Variants in INO80 observed in about 807,000 individuals in gnomAD.
INO80 encodes INO80 complex ATPase subunit.
Under a neutral mutation model 203.4 loss-of-function variants are expected in INO80, and 20 were observed. The ratio of observed to expected loss-of-function variants is 0.10; its 90% CI spans 0.07 to 0.14. The LOEUF is 0.14. INO80 is among the 10% of genes least tolerant of loss of function. The pLI is 1.00. For missense variants in INO80, 1,419 were observed against 1,914.4 expected (o/e 0.74, Z 4.83); for synonymous variants, 726 against 685.2 (o/e 1.06, Z -0.93).
rs2140605179 is a variant in INO80 at position 41,074,366 on chromosome 15, T to C, written c.1327+4A>G. 6.3e-7 allele frequency: 1 copy of C among 1,595,614 alleles called. No individual in the cohort carries two copies. The highest frequency in any genetic ancestry group is 2.3e-5 in the East Asian group (1 of 44,426). ...CTTCCTCTAAGTCCTGACTGAGGACTCACCATAATCCTCCTGTGTGATGTT... is the reference window on the plus strand; with the variant it reads ...CTTCCTCTAAGTCCTGACTGAGGACCCACCATAATCCTCCTGTGTGATGTT... On this transcript the variant is annotated splice_donor_region_variant and intron_variant, in intron 10 of 35. Coordinates refer to ENST00000648947, the MANE Select transcript of INO80 (RefSeq NM_017553.3).
intron 28 of INO80, among the ~76,000 whole-genome samples, chr15:41,002,591 T>G (rs1169681445): frequency 1.3e-5 from 2 of 152,224 alleles, no homozygotes; most frequent in African/African-American, 4.8e-5. Flanking sequence ...TTGGGGTCTA[T>G]ATTAGCAGAA....
chr15:41,000,221 G>T (rs577316724), intron 28 of INO80, among the ~76,000 whole-genome samples: 1 of 152,156 alleles, frequency 6.6e-6, no homozygotes, highest in African/African-American at 2.4e-5. Flanking sequence ...TGATACCTGC[G>T]TGAGAGTTGA....
intron 27 of INO80, among the ~76,000 whole-genome samples, chr15:41,014,650 C>T (rs894795756): frequency 6.6e-6 from 1 of 152,168 alleles, no homozygotes; most frequent in African/African-American, 2.4e-5. Context: ...CTGTCAACAG[C>T]ATTCAAGGGG....
intron 24 of INO80, among the ~76,000 whole-genome samples, chr15:41,030,125 A>C (rs2044436998): frequency 6.6e-6 from 1 of 152,242 alleles, no homozygotes; most frequent in African/African-American, 2.4e-5. Context: ...TAAAATTCAA[A>C]ATTCAACAGA....
intron 14 of INO80, among the ~76,000 whole-genome samples, chr15:41,061,098 G>C (rs2140561401): frequency 6.6e-6 from 1 of 152,120 alleles, no homozygotes; most frequent in South Asian, 2.1e-4. Flanking sequence ...CCTGAGCATG[G>C]GAGTTTCAGA....
At chr15:41,077,879 AAC>A (rs1596313394) in intron 9 of INO80, among the ~76,000 whole-genome samples, 1 of 151,896 alleles carries the variant, frequency 6.6e-6, no homozygotes, top group Non-Finnish European at 1.5e-5. Flanking sequence ...TCTAAAGTAA[AAC>A]AATTAAGAAA....
intron 35 of INO80, among the ~76,000 whole-genome samples, chr15:40,981,257 C>T (rs1286654644): frequency 6.6e-6 from 1 of 152,134 alleles, no homozygotes; most frequent in Non-Finnish European, 1.5e-5. Flanking sequence ...GTTGGTTTTT[C>T]TTGTGCTGCT....
At chr15:41,064,854 G>A (rs1181537227) in intron 14 of INO80, among the ~76,000 whole-genome samples, 2 of 152,012 alleles carry the variant, frequency 1.3e-5, no homozygotes, top group African/African-American at 4.8e-5. Flanking sequence ...GAAATTCACT[G>A]GGCATGGTGG....
chr15:41,001,355 C>T (rs751390245), intron 28 of INO80, among the ~76,000 whole-genome samples: 2 of 101,994 alleles, frequency 2.0e-5, no homozygotes, highest in Non-Finnish European at 4.4e-5. Context: ...TCTTTAATAA[C>T]CCACTGAGGT....
At chr15:40,995,493 T>A (rs534100907) in intron 29 of INO80, among the ~76,000 whole-genome samples, 105 of 152,328 alleles carry the variant, frequency 6.9e-4, no homozygotes, top group Non-Finnish European at 1.4e-3. Flanking sequence ...AGGACACAAA[T>A]GAAGAGCCTT....
chr15:40,984,304 T>C lies in INO80; in HGVS notation c.3970A>G (p.Asn1324Asp). 6.2e-7 allele frequency: 1 copy of C among 1,614,176 alleles called. No individual in the cohort carries two copies. The highest frequency in any genetic ancestry group is 8.5e-7 in the Non-Finnish European group (1 of 1,179,998). ...LDGKRRKEGV[N>D]LVIPFVPSAD... ...GAGGGAACAAATGGGATCACCAGGT[T>C]CACACCCTCTTTTCTCCTTTTCCCA... The change falls in exon 33 of 36, where the codon AAC becomes GAC. Residue 1324 changes from asparagine (N) to aspartate (D), a missense_variant. By Grantham distance (23) the Asn-to-Asp change is conservative. Around this residue, in one of 9 missense-constraint regions of INO80, gnomAD observed 214 missense variants for 248.9 expected, o/e 0.86. Coordinates refer to ENST00000648947, the MANE Select transcript of INO80 (RefSeq NM_017553.3).
chr15:41,086,760 CTCAG>C (rs1236070238), intron 6 of INO80, among the ~76,000 whole-genome samples: 4 of 152,092 alleles, frequency 2.6e-5, no homozygotes, highest in Admixed American at 1.3e-4. Flanking sequence ...CTGCTGAGAG[CTCAG>C]TAAGAGAGGA....
chr15:41,095,561 T>G, intron 4 of INO80, 40 bp downstream of exon 4: 3 of 1,410,116 alleles, frequency 2.1e-6, no homozygotes, highest in Non-Finnish European at 3.0e-6. Context: ...GTAACTTTAG[T>G]AGACTATCTG....
intron 10 of INO80, 148 bp downstream of exon 10, chr15:41,074,222 C>T (rs1372762675): frequency 6.2e-6 from 3 of 485,936 alleles, no homozygotes; most frequent in African/African-American, 2.0e-5. Context: ...GTTATAGAAA[C>T]ACACTTTCCC....
chr15:41,072,085 GAAA>G, intron 11 of INO80, 27 bp from the exon 12 acceptor site: 1 of 859,726 alleles, frequency 1.2e-6, no homozygotes, highest in South Asian at 2.2e-5. Context: ...AAAAAAATTA[GAAA>G]AAAAAAAAAG....
chr15:41,010,138 C>G (rs1031427744), intron 27 of INO80, among the ~76,000 whole-genome samples: 1 of 152,076 alleles, frequency 6.6e-6, no homozygotes, highest in Admixed American at 6.5e-5. Flanking sequence ...GTAGGACTTA[C>G]AGATCACATC....
chr15:41,058,360 C>T (rs1185110396), intron 16 of INO80, among the ~76,000 whole-genome samples: 2 of 152,114 alleles, frequency 1.3e-5, no homozygotes, highest in Non-Finnish European at 2.9e-5. Context: ...CATGTCACGT[C>T]ATATTTAAAA....
At chr15:41,077,702 A>G (rs1464527377) in intron 9 of INO80, among the ~76,000 whole-genome samples, 2 of 151,618 alleles carry the variant, frequency 1.3e-5, no homozygotes, top group Non-Finnish European at 2.9e-5. Flanking sequence ...CTGGGACTAT[A>G]GGCATGTGCC....
intron 1 of INO80, chr15:41,109,122 A>G (rs2045923619): frequency 6.5e-6 from 1 of 154,388 alleles, no homozygotes; most frequent in Non-Finnish European, 1.4e-5. Context: ...GCCAGCATTA[A>G]TAAGGTAGAA....
Sources: gnomAD v4.1 joint callset for allele counts (sites outside exome capture counted in the v4.1 genomes callset) on GRCh38, gnomAD v4.1.1 for gene constraint, gnomAD v4.1.1 regional missense constraint, MANE v1.5 for transcripts, NCBI Gene and HGNC (gene_info 2026-07-23, HGNC 2026-07-21) for gene names.